CTNNA2: variants seen among roughly 807,000 people sequenced by gnomAD.
CTNNA2 encodes catenin alpha-2.
Under a neutral mutation model 101.0 loss-of-function variants are expected in CTNNA2, and 42 were observed. That is an observed-to-expected ratio of 0.42 (90% confidence interval 0.32 to 0.54). The LOEUF (loss-of-function observed/expected upper bound fraction) is 0.54. CTNNA2 is among the 20% of genes least tolerant of loss of function. The probability of loss-of-function intolerance (pLI) is 0.14; values close to 1 mark genes in which losing one functional copy is unlikely to be tolerated. For missense variants in CTNNA2, 871 were observed against 1,223.1 expected (o/e 0.71, Z 4.29); for synonymous variants, 450 against 456.4 (o/e 0.99, Z 0.18).
At chr2:79,921,240 T>G (rs1398299361) in intron 7 of CTNNA2, among the ~76,000 whole-genome samples, 1 of 152,196 alleles carries the variant, frequency 6.6e-6, no homozygotes, top group Non-Finnish European at 1.5e-5. Context: ...GAACACCTGA[T>G]GTAATAAGTA....
At chr2:79,980,391 A>T (rs1254061115) in intron 7 of CTNNA2, among the ~76,000 whole-genome samples, 1 of 152,134 alleles carries the variant, frequency 6.6e-6, no homozygotes, top group African/African-American at 2.4e-5. Flanking sequence ...GGGCTATGAC[A>T]TTGATTAGTA....
At chr2:79,253,835 G>T (rs1405793706) in intron 2 of CTNNA2, among the ~76,000 whole-genome samples, 1 of 152,192 alleles carries the variant, frequency 6.6e-6, no homozygotes, top group African/African-American at 2.4e-5. Context: ...CGGTGATAGA[G>T]TTTATGACTG....
chr2:80,316,847 G>A (rs1019617488), intron 7 of CTNNA2, among the ~76,000 whole-genome samples: 1 of 152,072 alleles, frequency 6.6e-6, no homozygotes, highest in East Asian at 1.9e-4. Flanking sequence ...GGATACAGTG[G>A]GGAACAAAAC....
At chr2:80,118,694 AT>A (rs2148874057) in intron 7 of CTNNA2, among the ~76,000 whole-genome samples, 1 of 152,358 alleles carries the variant, frequency 6.6e-6, no homozygotes, top group South Asian at 2.1e-4. Context: ...ACATAAGGAA[AT>A]TTGCTATTTT....
intron 7 of CTNNA2, chr2:80,162,612 T>C: frequency 1.9e-6 from 3 of 1,611,480 alleles, no homozygotes; most frequent in Non-Finnish European, 2.5e-6. Context: ...CCGGCTATAA[T>C]GTCTATCTGC....
At position 80,230,958 on chromosome 2, in the gene CTNNA2, G is replaced by GTTTGTTTTGTTTTGT. The variant is rs111940943; in HGVS notation, c.1057-162239_1057-162225dup. Among the ~76,000 whole-genome samples, 1,504 of 151,348 alleles carry GTTTGTTTTGTTTTGT rather than the reference G, an allele frequency of 9.9e-3. 25 individuals carry two copies. Among genetic ancestry groups the GTTTGTTTTGTTTTGT allele is most frequent in the African/African-American group, 0.033 (1,370 of 40,936 alleles). ...GACGTAGAATGATTGTGTTCCTGGT[G>GTTTGTTTTGTTTTGT]TTTGTTTTGTTTTGTTTTGTTTTGT... is the stretch of plus-strand genomic sequence containing the variant. On this transcript the variant is annotated intron_variant, in intron 7 of 18. Transcript: ENST00000402739.
chr2:80,571,450 CAA>C (rs1383844763), intron 12 of CTNNA2, among the ~76,000 whole-genome samples: 3 of 151,976 alleles, frequency 2.0e-5, no homozygotes, highest in African/African-American at 7.3e-5. Flanking sequence ...TGAAAAGATT[CAA>C]AGATACAAAA....
intron 7 of CTNNA2, among the ~76,000 whole-genome samples, chr2:80,289,828 A>C (rs1675083492): frequency 1.3e-5 from 2 of 152,180 alleles, no homozygotes; most frequent in Admixed American, 6.5e-5. Context: ...CTTCCTAATA[A>C]GAAGTCAAAA....
intron 1 of CTNNA2, among the ~76,000 whole-genome samples, chr2:79,580,543 G>A (rs569709105): frequency 6.6e-6 from 1 of 152,288 alleles, no homozygotes; most frequent in Non-Finnish European, 1.5e-5. Context: ...TAAGACCCAC[G>A]CTGGACTTCT....
At position 79,830,711 on chromosome 2, in the gene CTNNA2, G is replaced by T. The variant is rs1255020991; in HGVS notation, c.299-27302G>T. On this transcript the variant is annotated intron_variant, in intron 3 of 18. Transcript: ENST00000402739. Reference sequence around the variant, plus strand: ...GAGAAAGCTGGAGCTCCCGGCATCCGTTCAAAATGACAAATGGAGGCTGTA... The same window carrying T: ...GAGAAAGCTGGAGCTCCCGGCATCCTTTCAAAATGACAAATGGAGGCTGTA... 2.0e-5 allele frequency among the ~76,000 whole-genome samples: 3 copies of T among 152,122 alleles called. No homozygotes were observed. In the South Asian group the frequency reaches 6.2e-4, roughly 32 times the overall value.
At chr2:79,383,704 C>G (rs1678064820) in intron 4 of CTNNA2, among the ~76,000 whole-genome samples, 1 of 152,184 alleles carries the variant, frequency 6.6e-6, no homozygotes, top group Admixed American at 6.5e-5. Flanking sequence ...TGGATTTAAG[C>G]AGCCATAGCA....
At chr2:79,409,328 C>G (rs1272266767) in intron 4 of CTNNA2, among the ~76,000 whole-genome samples, 1 of 152,040 alleles carries the variant, frequency 6.6e-6, no homozygotes, top group East Asian at 1.9e-4. Context: ...TCAATTTTGT[C>G]TTTTGTTGCC....
intron 11 of CTNNA2, among the ~76,000 whole-genome samples, chr2:80,549,177 C>T (rs1393360509): frequency 6.6e-6 from 1 of 152,098 alleles, no homozygotes; most frequent in Non-Finnish European, 1.5e-5. Context: ...CTTTGGAAAA[C>T]CTACAATTTT....
At chr2:80,077,264 A>G (rs1366957028) in intron 7 of CTNNA2, among the ~76,000 whole-genome samples, 2 of 152,248 alleles carry the variant, frequency 1.3e-5, no homozygotes, top group Non-Finnish European at 2.9e-5. Flanking sequence ...TTAAGAAAGT[A>G]AATAACACTT....
At chr2:79,883,185 C>T (rs188833521) in intron 6 of CTNNA2, among the ~76,000 whole-genome samples, 17 of 152,290 alleles carry the variant, frequency 1.1e-4, no homozygotes, top group African/African-American at 3.8e-4. Flanking sequence ...TTAATAGTCA[C>T]GAGTGTGTCA....
intron 1 of CTNNA2, among the ~76,000 whole-genome samples, chr2:79,644,232 G>A (rs1680648671): frequency 6.6e-6 from 1 of 152,038 alleles, no homozygotes; most frequent in South Asian, 2.1e-4. Context: ...TAGAGATGGG[G>A]TTTCAACATG....
intron 2 of CTNNA2, among the ~76,000 whole-genome samples, chr2:79,261,332 G>C (rs181544972): frequency 1.3e-5 from 2 of 152,298 alleles, no homozygotes; most frequent in Non-Finnish European, 2.9e-5. Context: ...ATTATCAACA[G>C]GCTACGTGGA....
At chr2:80,100,165 C>T (rs1456820403) in intron 7 of CTNNA2, among the ~76,000 whole-genome samples, 3 of 152,062 alleles carry the variant, frequency 2.0e-5, no homozygotes, top group African/African-American at 4.8e-5. Context: ...AACTCCTGAC[C>T]TCAGGTGATC....
chr2:79,705,375 T>C (rs377219702), intron 2 of CTNNA2, among the ~76,000 whole-genome samples: 4 of 152,214 alleles, frequency 2.6e-5, no homozygotes, highest in East Asian at 1.9e-4. Context: ...AATTGATCTA[T>C]TTTGTTATTA....
Sources: gnomAD v4.1 joint callset for allele counts (sites outside exome capture counted in the v4.1 genomes callset) on GRCh38, gnomAD v4.1.1 for gene constraint, MANE v1.5 for transcripts, NCBI Gene and HGNC (gene_info 2026-07-23, HGNC 2026-07-21) for gene names.